Variants in VPS26B observed in about 807,000 individuals in gnomAD.
VPS26B encodes vacuolar protein sorting-associated protein 26B.
In VPS26B, 10 loss-of-function variants were observed where a neutral mutation model predicts 33.3. The ratio of observed to expected loss-of-function variants is 0.30; its 90% CI spans 0.19 to 0.51. The LOEUF is 0.51. Ranked by LOEUF, VPS26B falls within the 20% of genes least tolerant of loss-of-function variation. The pLI, the probability that VPS26B is intolerant of heterozygous loss-of-function variation, is 0.98. For missense variants in VPS26B, 317 were observed against 452.7 expected, an observed-to-expected ratio of 0.70 and a Z score of 2.72; for synonymous variants, 190 against 176.9, an observed-to-expected ratio of 1.07 and a Z score of -0.59.
chr11:134,239,473 C>G (rs1938684829), intron 2 of VPS26B, among the ~76,000 whole-genome samples: 1 of 152,208 alleles, frequency 6.6e-6, no homozygotes, highest in African/African-American at 2.4e-5. Context: ...CTTTCCTAGT[C>G]CCCTCTTTTA....
chr11:134,227,997 T>G (rs532250408), intron 1 of VPS26B, among the ~76,000 whole-genome samples: 57 of 152,350 alleles, frequency 3.7e-4, no homozygotes, highest in African/African-American at 1.2e-3. Context: ...TCAGTTGGTG[T>G]TGTAGATGGA....
At chr11:134,237,370 C>T (rs1370352002) in intron 2 of VPS26B, among the ~76,000 whole-genome samples, 1 of 152,048 alleles carries the variant, frequency 6.6e-6, no homozygotes, top group Non-Finnish European at 1.5e-5. Context: ...GGCATGCAGC[C>T]GTGGAGATGG....
At chr11:134,232,747 C>G (rs1938574346) in intron 1 of VPS26B, among the ~76,000 whole-genome samples, 1 of 152,176 alleles carries the variant, frequency 6.6e-6, no homozygotes, top group Non-Finnish European at 1.5e-5. Flanking sequence ...ACCATTGATT[C>G]TGGACACTGG....
At chr11:134,243,089 A>G in intron 3 of VPS26B, 30 bp from the exon 4 acceptor site, 3 of 1,612,592 alleles carry the variant, frequency 1.9e-6, no homozygotes, top group South Asian at 2.2e-5. Flanking sequence ...CAGTACCAAC[A>G]TCTTACTTTC....
In VPS26B at chr11:134,224,816, C is replaced by T. The variant is rs1368578957; in HGVS notation, c.-307C>T. On this transcript the variant is annotated 5_prime_UTR_variant, in exon 1 of 6. Transcript: ENST00000281187. ...CCCCCGCAGCATTGCACGGCCGACC[C>T]TCGCCCGCCCACTGCCACCGGCCGC... 1 of 155,586 alleles carries T rather than the reference C, an allele frequency of 6.4e-6. No individual in the cohort carries two copies. Among genetic ancestry groups the T allele is most frequent in the East Asian group, 1.9e-4 (1 of 5,382 alleles). The allele number at this position is 155,586 out of a possible 1,614,324, so 9.6% of individuals were successfully genotyped here. A position where few individuals can be genotyped will look rare whatever the true frequency, so the allele number is the denominator to read the frequency against.
Position 134,235,068 on chromosome 11 carries a change from C to T in VPS26B, c.380+15C>T, listed in dbSNP as rs760920375. On this transcript the variant is annotated intron_variant, in intron 2 of 5. Coordinates refer to ENST00000281187, the MANE Select transcript of VPS26B (RefSeq NM_052875.5). ...GTGAAGCTACGGTAAGTGATGTCTG[C>T]TGGTTCCCCACTGTACCCTAGAACC... is the stretch of plus-strand genomic sequence containing the variant. 1.2e-6 allele frequency: 2 copies of T among 1,611,616 alleles called. No individual in the cohort carries two copies. Among genetic ancestry groups the T allele is most frequent in the Non-Finnish European group, 8.5e-7 (1 of 1,178,572 alleles).
At chr11:134,239,740 A>T (rs1249794508) in intron 2 of VPS26B, 6 of 497,470 alleles carry the variant, frequency 1.2e-5, no homozygotes, top group Non-Finnish European at 2.2e-5. Flanking sequence ...ACCCGGGGGC[A>T]TGGGCTCCCT....
rs567506476 is a variant in VPS26B, at chr11:134,232,558, C to T, written c.224-2339C>T. ...ATGCAGGGAATGACTTCTCCTGCTCCAGGTGCCCTGCTGGGGCAGGCCGAA... is the reference window on the plus strand; with the variant it reads ...ATGCAGGGAATGACTTCTCCTGCTCTAGGTGCCCTGCTGGGGCAGGCCGAA... On this transcript the variant is annotated intron_variant, in intron 1 of 5. Coordinates refer to ENST00000281187, the MANE Select transcript of VPS26B (RefSeq NM_052875.5). Among the ~76,000 whole-genome samples the T allele has an allele frequency of 5.0e-4, 76 of 152,364 alleles. 2 individuals are homozygous for T. Among genetic ancestry groups the T allele is most frequent in the Admixed American group, 4.9e-3 (75 of 15,306 alleles).
At chr11:134,237,731 T>C (rs1019124360) in intron 2 of VPS26B, among the ~76,000 whole-genome samples, 1 of 152,092 alleles carries the variant, frequency 6.6e-6, no homozygotes, top group Non-Finnish European at 1.5e-5. Flanking sequence ...GGACGCAGAA[T>C]CAAGGGCTGC....
Position 134,234,893 on chromosome 11 carries a change from C to T in VPS26B, c.224-4C>T, listed in dbSNP as rs757707737. ...GAGGGCGTCGCATCGCTGTCTCTCA[C>T]CAGAACTCTACTACGATCGCGGGAA... On this transcript the variant is annotated splice_region_variant and splice_polypyrimidine_tract_variant and intron_variant, in intron 1 of 5. Coordinates refer to ENST00000281187, the MANE Select transcript of VPS26B (RefSeq NM_052875.5). 6.2e-7 allele frequency: 1 copy of T among 1,613,692 alleles called. No homozygotes were observed. The highest frequency in any genetic ancestry group is 8.5e-7 in the Non-Finnish European group (1 of 1,179,730).
Position 134,246,379 on chromosome 11 carries a change from A to C in VPS26B, c.*789A>C, listed in dbSNP as rs1938821560. 6.6e-6 allele frequency: 1 copy of C among 152,224 alleles called. No homozygotes were observed. Among genetic ancestry groups the C allele is most frequent in the Non-Finnish European group, 1.5e-5 (1 of 68,098 alleles). 9.4% of individuals were successfully genotyped at this position (152,224 alleles called of 1,614,324 possible). A position where few individuals can be genotyped will look rare whatever the true frequency, so the allele number is the denominator to read the frequency against. On this transcript the variant is annotated 3_prime_UTR_variant, in exon 6 of 6. Coordinates refer to ENST00000281187, the MANE Select transcript of VPS26B (RefSeq NM_052875.5). The stretch of plus-strand genomic sequence containing the variant: ...CACGTCGCTCCACTTGGTAACCCCA[A>C]GGTCTGGGCTGTTCTAGGTATTGCT...
Position 134,244,981 on chromosome 11 carries a change from C to G in VPS26B, c.765C>G (p.Leu255=). The G allele has an allele frequency of 1.2e-6, 2 of 1,614,090 alleles. No homozygotes were observed. The highest frequency in any genetic ancestry group is 2.2e-5 in the East Asian group (1 of 44,880). The change falls in exon 5 of 6, where the codon CTC becomes CTG. Residue 255 remains leucine (L), a synonymous_variant. Transcript: ENST00000281187. The surrounding 1 kb of genome is among the most constrained non-coding windows in gnomAD (Gnocchi z 4.0). ...GGCTCTTCCTGGCCGGGTATGAGCT[C>G]ACGCCCACCATGCGGGACATCAACA... The part of the protein sequence containing the change: ...PIRLFLAGYE[L]TPTMRDINKK...
chr11:134,238,309 TTAAG>T (rs1938664320), intron 2 of VPS26B, among the ~76,000 whole-genome samples: 1 of 152,122 alleles, frequency 6.6e-6, no homozygotes, highest in Non-Finnish European at 1.5e-5. Context: ...TGTTTAGGCC[TTAAG>T]TAAGGAACAA....
intron 2 of VPS26B, 65 bp downstream of exon 2, chr11:134,235,118 G>A: frequency 6.5e-7 from 1 of 1,545,768 alleles, no homozygotes; most frequent in Non-Finnish European, 8.8e-7. Flanking sequence ...AAGGACCTGA[G>A]GCCGTCCCCA....
intron 1 of VPS26B, among the ~76,000 whole-genome samples, chr11:134,229,900 TC>T (rs1431025949): frequency 1.3e-5 from 2 of 152,224 alleles, no homozygotes; most frequent in Admixed American, 1.3e-4. Context: ...CTTTCCAGCC[TC>T]GTCTCCCCTA....
rs1441555503 is a variant in VPS26B, at chr11:134,246,197, G to A, written c.*607G>A. 1 of 153,406 alleles carries A rather than the reference G, an allele frequency of 6.5e-6. No individual in the cohort carries two copies. The highest frequency in any genetic ancestry group is 2.4e-5 in the African/African-American group (1 of 41,438). The allele number at this position is 153,406 out of a possible 1,614,324, so 9.5% of individuals were successfully genotyped here. The stretch of plus-strand genomic sequence containing the variant: ...GGCACCTCCCTTCTCCATCCTCTCT[G>A]GATTGTCAGTAATGTCCTGGAACAG... On this transcript the variant is annotated 3_prime_UTR_variant, in exon 6 of 6. Transcript: ENST00000281187.
rs969814452 is a variant in VPS26B at position 134,225,056 on chromosome 11, C to T, written c.-67C>T. 6 of 1,484,526 alleles carry T rather than the reference C, an allele frequency of 4.0e-6. No individual in the cohort carries two copies. The highest frequency in any genetic ancestry group is 2.8e-5 in the African/African-American group (2 of 71,842). 92.0% of individuals were successfully genotyped at this position (1,484,526 alleles called of 1,614,324 possible). On this transcript the variant is annotated 5_prime_UTR_variant, in exon 1 of 6. Coordinates refer to ENST00000281187, the MANE Select transcript of VPS26B (RefSeq NM_052875.5). ...CATCGGGCCCTCTGGCCTTCTTTAC[C>T]TAGGGCAGCCCGCGCCCCGGTGCGA...
chr11:134,225,055 C>CAAA lies in VPS26B; in HGVS notation c.-68_-67insAAA. The CAAA allele has an allele frequency of 6.7e-7, 1 of 1,482,856 alleles. No homozygotes were observed. The highest frequency in any genetic ancestry group is 9.1e-7 in the Non-Finnish European group (1 of 1,103,128). 91.9% of individuals were successfully genotyped at this position (1,482,856 alleles called of 1,614,324 possible). A position where few individuals can be genotyped will look rare whatever the true frequency, so the allele number is the denominator to read the frequency against. ...GCATCGGGCCCTCTGGCCTTCTTTA[C>CAAA]CTAGGGCAGCCCGCGCCCCGGTGCG... On this transcript the variant is annotated 5_prime_UTR_variant, in exon 1 of 6. Transcript: ENST00000281187.
intron 1 of VPS26B, among the ~76,000 whole-genome samples, chr11:134,232,868 C>T (rs1252494308): frequency 6.6e-6 from 1 of 152,174 alleles, no homozygotes; most frequent in East Asian, 1.9e-4. Context: ...CGAAAGCCAA[C>T]ACCATCGACC....
Sources: gnomAD v4.1 joint callset for allele counts (sites outside exome capture counted in the v4.1 genomes callset) on GRCh38, gnomAD v4.1.1 for gene constraint, Gnocchi (gnomAD v3.1) non-coding constraint, MANE v1.5 for transcripts, NCBI Gene and HGNC (gene_info 2026-07-23, HGNC 2026-07-21) for gene names.